The following PBLD variants were observed in gnomAD, a reference collection of about 807,000 sequenced individuals.
PBLD encodes phenazine biosynthesis like protein domain containing, also known as phenazine biosynthesis-like domain-containing protein.
In PBLD, 26 loss-of-function variants were observed where a neutral mutation model predicts 31.3. The ratio of observed to expected loss-of-function variants is 0.83; its 90% CI spans 0.61 to 1.15. PBLD has a LOEUF of 1.15. Among genes scored for constraint, PBLD ranks in the 50% most tolerant of loss-of-function variants. PBLD has a pLI of 0.00. For missense variants in PBLD, 307 were observed against 351.7 expected, an observed-to-expected ratio of 0.87 and a Z score of 1.02; for synonymous variants, 114 against 129.0, an observed-to-expected ratio of 0.88 and a Z score of 0.79.
At chr10:68,319,191 GAA>G (rs771812799) in intron 1 of PBLD, among the ~76,000 whole-genome samples, 1 of 137,112 alleles carries the variant, frequency 7.3e-6, no homozygotes, top group Admixed American at 7.4e-5. Context: ...GATGGAGAGT[GAA>G]AAAAAAAAAG....
chr10:68,317,235 T>C (rs941309875), intron 1 of PBLD, among the ~76,000 whole-genome samples: 2 of 152,072 alleles, frequency 1.3e-5, no homozygotes, highest in African/African-American at 4.8e-5. Context: ...AAAGGTAAAA[T>C]TAAGATACTT....
At chr10:68,290,432 T>G (rs1454713523) in intron 6 of PBLD, among the ~76,000 whole-genome samples, 1 of 152,128 alleles carries the variant, frequency 6.6e-6, no homozygotes, top group Non-Finnish European at 1.5e-5. Context: ...ATTTAAAAGT[T>G]CAGGGGTGGG....
intron 1 of PBLD, among the ~76,000 whole-genome samples, chr10:68,313,264 G>A (rs1246374671): frequency 6.6e-6 from 1 of 152,064 alleles, no homozygotes; most frequent in African/African-American, 2.4e-5. Context: ...TGTATAATTT[G>A]CAAATATTTT....
intron 1 of PBLD, among the ~76,000 whole-genome samples, chr10:68,325,522 G>A (rs567454530): frequency 7.9e-5 from 12 of 152,242 alleles, no homozygotes; most frequent in African/African-American, 1.9e-4. Context: ...CTGAGATCAC[G>A]CCACTGCCCT....
rs948025050 is a variant in PBLD, at chr10:68,294,274, G to A, written c.283+1992C>T. On this transcript the variant is annotated intron_variant, in intron 4 of 9. Coordinates refer to ENST00000358769, the MANE Select transcript of PBLD (RefSeq NM_022129.4). ...CACAGATGCTTCATCTTATCCTTTC[G>A]CCCAAAGTTCCCCTTCTCTGGTGGG... Among the ~76,000 whole-genome samples the A allele has an allele frequency of 2.6e-5, 4 of 152,048 alleles. No homozygotes were observed. The East Asian group carries it at 7.7e-4, about 29-fold the overall frequency.
intron 1 of PBLD, among the ~76,000 whole-genome samples, chr10:68,325,946 A>G (rs1296369126): frequency 6.6e-6 from 1 of 152,152 alleles, no homozygotes; most frequent in East Asian, 1.9e-4. Flanking sequence ...GTTTAATGTA[A>G]TTTATCTATG....
intron 1 of PBLD, among the ~76,000 whole-genome samples, chr10:68,322,966 C>T (rs1005654345): frequency 1.3e-5 from 2 of 151,936 alleles, no homozygotes; most frequent in African/African-American, 4.8e-5. Flanking sequence ...GTCTCAAACT[C>T]CTGGTCTCAA....
At position 68,328,503 on chromosome 10, in the gene PBLD, T is replaced by G. The variant is rs78356420; in HGVS notation, c.-60+4281A>C. Among the ~76,000 whole-genome samples the G allele has an allele frequency of 3.5e-3, 538 of 152,332 alleles. 4 individuals are homozygous for G. Among genetic ancestry groups the G allele is most frequent in the African/African-American group, 0.012 (507 of 41,560 alleles). The stretch of plus-strand genomic sequence containing the variant: ...TTTTCCTCTGGGTCACATGGGTACT[T>G]CTATTTCCTTCTCCTTTTTCATCTT... On this transcript the variant is annotated intron_variant, in intron 1 of 9. Transcript: ENST00000358769.
intron 1 of PBLD, 73 bp from the exon 2 acceptor site, chr10:68,306,976 A>G: frequency 4.7e-6 from 3 of 631,948 alleles, no homozygotes. Flanking sequence ...TCCCAGATAC[A>G]AAGTCAAGCA....
chr10:68,286,332 C>T (rs777174050), intron 8 of PBLD, among the ~76,000 whole-genome samples: 1 of 152,088 alleles, frequency 6.6e-6, no homozygotes. Context: ...AAGTGATGCA[C>T]CCATTTCAGC....
chr10:68,300,405 A>G (rs1197051739), intron 2 of PBLD, among the ~76,000 whole-genome samples: 2 of 152,222 alleles, frequency 1.3e-5, no homozygotes, highest in East Asian at 3.8e-4. Flanking sequence ...ACAAACGTCT[A>G]GCAGAGAAAA....
At chr10:68,284,877 A>G (rs1218102806) in intron 9 of PBLD, among the ~76,000 whole-genome samples, 1 of 152,238 alleles carries the variant, frequency 6.6e-6, no homozygotes, top group Non-Finnish European at 1.5e-5. Context: ...AATCAGGGTC[A>G]CAGACTCCTC....
Position 68,284,056 on chromosome 10 carries a change from AT to A in PBLD, c.*120del. On this transcript the variant is annotated 3_prime_UTR_variant, in exon 10 of 10. Transcript: ENST00000358769. ...GCCACTGCGCCTGGCCCATTTTTCG[AT>A]TTTTAACATGAGGATTAAGTAGACT... is the stretch of plus-strand genomic sequence containing the variant. 1 of 987,038 alleles carries A rather than the reference AT, an allele frequency of 1.0e-6. No homozygotes were observed. Among genetic ancestry groups the A allele is most frequent in the Non-Finnish European group, 1.5e-6 (1 of 665,404 alleles). 61.1% of individuals were successfully genotyped at this position (987,038 alleles called of 1,614,324 possible). A position where few individuals can be genotyped will look rare whatever the true frequency, so the allele number is the denominator to read the frequency against.
chr10:68,323,824 A>G (rs1182910590), intron 1 of PBLD, among the ~76,000 whole-genome samples: 1 of 152,166 alleles, frequency 6.6e-6, no homozygotes, highest in Non-Finnish European at 1.5e-5. Flanking sequence ...ATAAATTCTC[A>G]TTCTAGTTTT....
At chr10:68,323,003 A>C (rs1024005638) in intron 1 of PBLD, among the ~76,000 whole-genome samples, 4 of 152,112 alleles carry the variant, frequency 2.6e-5, no homozygotes, top group Non-Finnish European at 4.4e-5. Context: ...GGCCTCCCAA[A>C]GTGCTGGGAT....
chr10:68,327,265 T>C (rs2044936593), intron 1 of PBLD, among the ~76,000 whole-genome samples: 1 of 152,172 alleles, frequency 6.6e-6, no homozygotes, highest in Non-Finnish European at 1.5e-5. Context: ...AAGACTGCAG[T>C]GAAAATGAAT....
intron 1 of PBLD, among the ~76,000 whole-genome samples, chr10:68,322,522 G>A (rs2044851773): frequency 6.7e-6 from 1 of 150,088 alleles, no homozygotes; most frequent in African/African-American, 2.5e-5. Context: ...AAAAAAAACA[G>A]GCATGGTGGC....
rs572067347 is a variant in PBLD at position 68,318,683 on chromosome 10, G to A, written c.-59-11780C>T. Among the ~76,000 whole-genome samples the A allele has an allele frequency of 2.6e-5, 4 of 152,178 alleles. No homozygotes were observed. In the South Asian group the frequency reaches 8.3e-4, roughly 32 times the overall value. On this transcript the variant is annotated intron_variant, in intron 1 of 9. Coordinates refer to ENST00000358769, the MANE Select transcript of PBLD (RefSeq NM_022129.4). ...AGTTTTTTTATACTATTAAAATTAA[G>A]TTTCTGTTAATCTAAACTAGATTGT...
At chr10:68,294,011 T>C (rs2044393361) in intron 4 of PBLD, among the ~76,000 whole-genome samples, 1 of 152,052 alleles carries the variant, frequency 6.6e-6, no homozygotes, top group Non-Finnish European at 1.5e-5. Flanking sequence ...AGACACTCAA[T>C]TTAATTTCAG....
Sources: gnomAD v4.1 joint callset for allele counts (sites outside exome capture counted in the v4.1 genomes callset) on GRCh38, gnomAD v4.1.1 for gene constraint, MANE v1.5 for transcripts, NCBI Gene and HGNC (gene_info 2026-07-23, HGNC 2026-07-21) for gene names.